SLC6A5: variants seen among roughly 807,000 people sequenced by gnomAD.
SLC6A5 encodes the protein sodium- and chloride-dependent glycine transporter 2.
Under a neutral mutation model 90.5 loss-of-function variants are expected in SLC6A5, and 58 were observed. The observed-to-expected ratio is 0.64, with a 90% CI of 0.52 to 0.80. The LOEUF (loss-of-function observed/expected upper bound fraction) is 0.80, where lower values mean the gene tolerates loss of function less well. Ranked by LOEUF, SLC6A5 falls within the 30% of genes least tolerant of loss-of-function variation. The pLI, the probability that SLC6A5 is intolerant of heterozygous loss-of-function variation, is 0.00. For synonymous variants in SLC6A5, 427 were observed against 401.4 expected (o/e 1.06, Z -0.76); for missense variants, 1,015 against 1,017.6 (o/e 1.00, Z 0.03).
intron 13 of SLC6A5, among the ~76,000 whole-genome samples, chr11:20,644,875 G>A (rs1011335034): frequency 6.6e-6 from 1 of 151,670 alleles, no homozygotes; most frequent in Admixed American, 6.6e-5. Context: ...GCAGTGGTGC[G>A]ATCTCATCTC....
intron 6 of SLC6A5, 65 bp downstream of exon 6, chr11:20,614,885 A>C (rs182370768): frequency 3.2e-5 from 48 of 1,480,886 alleles, no homozygotes; most frequent in Non-Finnish European, 3.9e-5. Flanking sequence ...ATAAATATTC[A>C]ATTTGCAGAC....
chr11:20,604,835 G>C (rs759119249), intron 3 of SLC6A5, among the ~76,000 whole-genome samples: 15 of 152,208 alleles, frequency 9.9e-5, no homozygotes, highest in Non-Finnish European at 2.2e-4. Context: ...GTCTTCCTAG[G>C]GGACTCCTTA....
chr11:20,637,483 G>C (rs117419690), intron 12 of SLC6A5, among the ~76,000 whole-genome samples, 180 bp downstream of exon 12: 2,219 of 152,258 alleles, frequency 0.015, 21 homozygotes, highest in Non-Finnish European at 0.026. Context: ...TGTCATCTTG[G>C]CTACCAGTGA....
chr11:20,617,455 A>G (rs1051930152), intron 6 of SLC6A5, among the ~76,000 whole-genome samples: 1 of 152,220 alleles, frequency 6.6e-6, no homozygotes, highest in Non-Finnish European at 1.5e-5. Context: ...TGTGCTAGTG[A>G]CAATGGAACT....
intron 6 of SLC6A5, among the ~76,000 whole-genome samples, chr11:20,616,478 T>G (rs896144476): frequency 6.6e-6 from 1 of 152,216 alleles, no homozygotes; most frequent in Admixed American, 6.5e-5. Context: ...TAAGAAGAAA[T>G]GTCATCAGGA....
intron 11 of SLC6A5, among the ~76,000 whole-genome samples, chr11:20,636,700 G>A (rs1417624452): frequency 6.6e-6 from 1 of 152,108 alleles, no homozygotes. Flanking sequence ...GTGTCATTTT[G>A]CCAAAGCAAA....
At chr11:20,628,991 C>T (rs1011048166) in intron 9 of SLC6A5, among the ~76,000 whole-genome samples, 1 of 152,168 alleles carries the variant, frequency 6.6e-6, no homozygotes, top group African/African-American at 2.4e-5. Context: ...CTCCTGGCAA[C>T]AGCCTATGAC....
chr11:20,640,745 A>G (rs1240872702), intron 13 of SLC6A5, among the ~76,000 whole-genome samples: 1 of 152,116 alleles, frequency 6.6e-6, no homozygotes. Flanking sequence ...TGTAATTTAT[A>G]TCCCAGAAGA....
chr11:20,643,643 A>G (rs775589982), intron 13 of SLC6A5, among the ~76,000 whole-genome samples: 1 of 152,244 alleles, frequency 6.6e-6, no homozygotes, highest in African/African-American at 2.4e-5. Flanking sequence ...CTCCCAGTCC[A>G]GTGCTCTTTC....
At position 20,628,075 on chromosome 11, in the gene SLC6A5, C is replaced by T. The variant is rs1358053912; in HGVS notation, c.1491C>T (p.Asn497=). ...TLSSYNKFHN[N]CYRDTLIVTC... is the part of the protein sequence containing the mutation. ...CTTCTTACAACAAATTCCACAACAA[C>T]TGCTACAGGTATGTAGAGGTACTAC... Residue 497 remains asparagine (N), a synonymous_variant, in exon 9 of 16, where the codon AAC becomes AAT. Transcript: ENST00000525748. The T allele has an allele frequency of 4.3e-6, 7 of 1,612,490 alleles. No homozygotes were observed. Among genetic ancestry groups the T allele is most frequent in the Non-Finnish European group, 5.9e-6 (7 of 1,178,600 alleles).
At chr11:20,617,458 A>G (rs1464493117) in intron 6 of SLC6A5, among the ~76,000 whole-genome samples, 2 of 152,222 alleles carry the variant, frequency 1.3e-5, no homozygotes. Context: ...GCTAGTGACA[A>G]TGGAACTGAC....
intron 6 of SLC6A5, among the ~76,000 whole-genome samples, chr11:20,616,372 A>G (rs16906552): frequency 0.092 from 14,048 of 152,252 alleles, 700 homozygotes; most frequent in East Asian, 0.19. Flanking sequence ...ATCATTTTCC[A>G]GTACACTTAA....
chr11:20,601,439 C>T lies in SLC6A5; in HGVS notation c.314C>T (p.Ala105Val). 1 of 1,606,910 alleles carries T rather than the reference C, an allele frequency of 6.2e-7. No individual in the cohort carries two copies. Among genetic ancestry groups the T allele is most frequent in the African/African-American group, 1.3e-5 (1 of 74,960 alleles). ...TTGAGAGAGGCGCAAGGCGCGCAGG[C>T]CTCGCCCCCTCCCGGGAGCTCCGGG... is the stretch of plus-strand genomic sequence containing the variant. ...RDLREAQGAQ[A>V]SPPPGSSGPG... The change falls in exon 2 of 16, where the codon GCC (alanine) becomes GTC (valine). Residue 105 changes from alanine (A) to valine (V), a missense_variant. Transcript: ENST00000525748.
chr11:20,650,818 T>C (rs981199009), intron 14 of SLC6A5, among the ~76,000 whole-genome samples: 6 of 151,150 alleles, frequency 4.0e-5, no homozygotes, highest in Admixed American at 6.6e-5. Context: ...AGGCGCCCGC[T>C]ACCACGCCCG....
chr11:20,648,837 A>G (rs777769046), intron 14 of SLC6A5, among the ~76,000 whole-genome samples: 2 of 152,216 alleles, frequency 1.3e-5, no homozygotes, highest in Non-Finnish European at 2.9e-5. Flanking sequence ...GTTGTGGTCT[A>G]TATGAGGCAG....
Position 20,654,710 on chromosome 11 carries a change from C to A in SLC6A5, c.2239-3C>A. The A allele has an allele frequency of 6.2e-7, 1 of 1,614,120 alleles. No individual in the cohort carries two copies. The highest frequency in any genetic ancestry group is 2.2e-5 in the East Asian group (1 of 44,868). ...ACCATGTCTGTCTTTGGCTTCTTTG[C>A]AGAGGCTGAAGTTGGTGTGCTCGCC... On this transcript the variant is annotated splice_polypyrimidine_tract_variant and splice_region_variant and intron_variant, in intron 15 of 15. Coordinates refer to ENST00000525748, the MANE Select transcript of SLC6A5 (RefSeq NM_004211.5).
intron 3 of SLC6A5, 82 bp downstream of exon 3, chr11:20,604,506 GGC>G: frequency 2.6e-6 from 4 of 1,548,332 alleles, no homozygotes; most frequent in African/African-American, 1.4e-5. Context: ...CCTCAGGCAG[GGC>G]CGCCGGGCGG....
At chr11:20,626,924 C>T (rs1853008417) in intron 8 of SLC6A5, 82 bp downstream of exon 8, 4 of 1,122,908 alleles carry the variant, frequency 3.6e-6, no homozygotes, top group Middle Eastern at 2.4e-4. Context: ...AGACTTCCTC[C>T]TCCAGGGAAT....
rs148946569 is a variant in SLC6A5 at position 20,630,702 on chromosome 11, T to C, written c.1511T>C (p.Ile504Thr). ...TCTCTTCCTTCCAGGGACACTCTAATTGTCACCTGCACCAACAGTGCCACA... is the reference window on the plus strand; with the variant it reads ...TCTCTTCCTTCCAGGGACACTCTAACTGTCACCTGCACCAACAGTGCCACA... The part of the protein sequence containing the change: ...FHNNCYRDTL[I>T]VTCTNSATSI... The change falls in exon 10 of 16, where the codon ATT becomes ACT. Residue 504 changes from isoleucine (I) to threonine (T), a missense_variant. Ile to Thr is a moderately conservative substitution (Grantham distance 89). Coordinates refer to ENST00000525748, the MANE Select transcript of SLC6A5 (RefSeq NM_004211.5). The C allele has an allele frequency of 1.9e-6, 3 of 1,614,110 alleles. No homozygotes were observed. The African/African-American group carries it at 4.0e-5, about 22-fold the overall frequency.
Sources: allele counts gnomAD v4.1 joint callset (sites outside exome capture counted in the v4.1 genomes callset), GRCh38; gene constraint gnomAD v4.1.1; transcripts MANE v1.5; gene names NCBI Gene and HGNC (gene_info 2026-07-23, HGNC 2026-07-21).